The following SCAMP4 variants were observed in gnomAD, a reference collection of about 807,000 sequenced individuals.
SCAMP4 encodes secretory carrier-associated membrane protein 4.
SCAMP4 carries 19 observed loss-of-function variants against 32.1 expected under a neutral mutation model. The observed-to-expected ratio is 0.59, with a 90% CI of 0.41 to 0.87. SCAMP4 has a LOEUF of 0.87. Among genes scored for constraint, SCAMP4 ranks in the 40% least tolerant of loss-of-function variants. The probability of loss-of-function intolerance (pLI) is 0.00; values close to 1 mark genes in which losing one functional copy is unlikely to be tolerated. For synonymous variants in SCAMP4, 152 were observed against 132.7 expected (o/e 1.15, Z -1.00); for missense variants, 302 against 309.0 (o/e 0.98, Z 0.17).
Position 1,924,056 on chromosome 19 carries a change from G to T in SCAMP4, c.514-52G>T, listed in dbSNP as rs369617502. On this transcript the variant is annotated intron_variant, in intron 6 of 6. Transcript: ENST00000316097. ...ATGACAGGCGTGAGTCCCCGTGCCC[G>T]GCCGCCATGCTCATTTTCTGTCTTC... The T allele has an allele frequency of 1.1e-4, 163 of 1,532,398 alleles. 1 individual carries two copies. The Admixed American group carries it at 3.1e-3, about 29-fold the overall frequency. The allele number at this position is 1,532,398 out of a possible 1,614,324, so 94.9% of individuals were successfully genotyped here.
intron 4 of SCAMP4, 158 bp from the exon 5 acceptor site, chr19:1,918,731 C>T (rs1448422004): frequency 1.9e-5 from 22 of 1,182,810 alleles, no homozygotes; most frequent in African/African-American, 3.1e-5. Flanking sequence ...CACTGCTCTC[C>T]AGCCTGGGCG....
chr19:1,912,860 T>TGCCCCCCAGGCCGTC, intron 1 of SCAMP4: 2 of 1,598,920 alleles, frequency 1.3e-6, no homozygotes, highest in African/African-American at 2.7e-5. Flanking sequence ...CCCCGGCCGC[T>TGCCCCCCAGGCCGTC]GCCCCCCAGG....
intron 2 of SCAMP4, 144 bp downstream of exon 2, chr19:1,915,170 C>T: frequency 4.1e-6 from 4 of 967,996 alleles, no homozygotes; most frequent in Non-Finnish European, 6.4e-6. Flanking sequence ...TCCCGTAGCC[C>T]AGCACAGCTG....
intron 1 of SCAMP4, among the ~76,000 whole-genome samples, chr19:1,914,190 A>T (rs956875941): frequency 6.6e-6 from 1 of 152,018 alleles, no homozygotes; most frequent in Admixed American, 6.5e-5. Flanking sequence ...GTCAGGGAGG[A>T]GGGAGTGAGA....
At chr19:1,914,612 C>T (rs1472941062) in intron 1 of SCAMP4, 7 of 280,992 alleles carry the variant, frequency 2.5e-5, no homozygotes, top group East Asian at 8.5e-5. Context: ...CATGCGGATG[C>T]GATGGGGTCT....
chr19:1,909,398 G>A lies in SCAMP4; in HGVS notation c.-42+3959G>A, dbSNP rs2013316474. Among the ~76,000 whole-genome samples, 4 of 152,288 alleles carry A rather than the reference G, an allele frequency of 2.6e-5. No individual in the cohort carries two copies. In the South Asian group the frequency reaches 8.3e-4, roughly 32 times the overall value. On this transcript the variant is annotated intron_variant, in intron 1 of 6. Transcript: ENST00000316097. ...TAATGGGCGGATCCCGAGAGCTGGG[G>A]GCCCCACCAGCCCTTCCTCTCCAGT...
chr19:1,917,607 C>A, intron 2 of SCAMP4, 87 bp from the exon 3 acceptor site: 2 of 1,514,566 alleles, frequency 1.3e-6, no homozygotes, highest in East Asian at 2.3e-5. Context: ...CCATGAGAGG[C>A]AACCCAGCCT....
intron 2 of SCAMP4, among the ~76,000 whole-genome samples, chr19:1,916,744 C>G (rs890712495): frequency 6.6e-6 from 1 of 152,206 alleles, no homozygotes; most frequent in African/African-American, 2.4e-5. Context: ...AGGTGGGAGC[C>G]CCCACACCTG....
chr19:1,910,433 G>T (rs948182555), intron 1 of SCAMP4, among the ~76,000 whole-genome samples: 2 of 152,184 alleles, frequency 1.3e-5, no homozygotes, highest in African/African-American at 4.8e-5. Context: ...GGGTTGCTGT[G>T]TGTGTTGTAG....
chr19:1,911,652 G>A (rs571567297), intron 1 of SCAMP4, among the ~76,000 whole-genome samples: 15 of 152,280 alleles, frequency 9.9e-5, no homozygotes, highest in African/African-American at 3.4e-4. Flanking sequence ...GCGTGGTGGC[G>A]CATGCCTGTA....
At chr19:1,919,379 A>G in intron 5 of SCAMP4, 1 of 985,390 alleles carries the variant, frequency 1.0e-6, no homozygotes, top group Non-Finnish European at 1.2e-6. Context: ...CATCTGTAAA[A>G]ACACACATAC....
intron 4 of SCAMP4, chr19:1,918,667 C>T: frequency 1.5e-6 from 1 of 664,934 alleles, no homozygotes; most frequent in Non-Finnish European, 2.4e-6. Context: ...GAGGCTGAGG[C>T]AAGAGAATCG....
At chr19:1,923,319 C>T in intron 6 of SCAMP4, 132 bp downstream of exon 6, 1 of 735,780 alleles carries the variant, frequency 1.4e-6, no homozygotes, top group South Asian at 2.0e-5. Context: ...GCACTTCATC[C>T]CCAGCAGTGA....
At chr19:1,915,117 CAA>C (rs1276908440) in intron 2 of SCAMP4, 91 bp downstream of exon 2, 9 of 1,508,738 alleles carry the variant, frequency 6.0e-6, no homozygotes, top group South Asian at 3.4e-5. Context: ...TGGCCGTTGG[CAA>C]ACAGTGTCCT....
At chr19:1,916,530 C>T (rs973078268) in intron 2 of SCAMP4, among the ~76,000 whole-genome samples, 15 of 152,186 alleles carry the variant, frequency 9.9e-5, no homozygotes, top group Admixed American at 6.5e-4. Flanking sequence ...GTGATCATAG[C>T]TCACTGCAGC....
In SCAMP4 at chr19:1,910,090, T is replaced by C. The variant is rs192397512; in HGVS notation, c.-42+4651T>C. Among the ~76,000 whole-genome samples the C allele has an allele frequency of 7.9e-3, 1,203 of 152,284 alleles. 6 individuals carry two copies. Among genetic ancestry groups the C allele is most frequent in the Middle Eastern group, 0.014 (4 of 294 alleles). On this transcript the variant is annotated intron_variant, in intron 1 of 6. Transcript: ENST00000316097. ...GTCACTGCATAGCAGACTCCGTGCA[T>C]CTGTGGGCTTAATACAACACCCGCC...
At chr19:1,918,718 C>CGG in intron 4 of SCAMP4, 171 bp from the exon 5 acceptor site, 1 of 1,049,084 alleles carries the variant, frequency 9.5e-7, no homozygotes, top group Non-Finnish European at 1.3e-6. Flanking sequence ...GCCGAGATCT[C>CGG]GACACTGCTC....
intron 1 of SCAMP4, chr19:1,911,976 G>C (rs2013474636): frequency 7.1e-7 from 1 of 1,408,238 alleles, no homozygotes; most frequent in South Asian, 1.6e-5. Flanking sequence ...GTGGCAGCAC[G>C]CCCTGCCTTG....
intron 6 of SCAMP4, among the ~76,000 whole-genome samples, chr19:1,923,407 C>G (rs908033722): frequency 1.3e-5 from 2 of 152,154 alleles, no homozygotes; most frequent in African/African-American, 2.4e-5. Context: ...GGGGCCAGTC[C>G]TGTGGCCCCC....
Sources: gnomAD v4.1 joint callset for allele counts (sites outside exome capture counted in the v4.1 genomes callset) on GRCh38, gnomAD v4.1.1 for gene constraint, MANE v1.5 for transcripts, NCBI Gene and HGNC (gene_info 2026-07-23, HGNC 2026-07-21) for gene names.